CCBE1: variants seen among roughly 807,000 people sequenced by gnomAD.
CCBE1 encodes collagen and calcium binding EGF domains 1.
In CCBE1, 37 loss-of-function variants were observed where a neutral mutation model predicts 50.0. The observed-to-expected ratio is 0.74, with a 90% CI of 0.57 to 0.97. The LOEUF (loss-of-function observed/expected upper bound fraction) is 0.97. CCBE1 is among the 50% of genes least tolerant of loss of function. CCBE1 has a pLI of 0.00. For synonymous variants in CCBE1, 234 were observed against 203.7 expected (o/e 1.15, Z -1.27); for missense variants, 538 against 523.8 (o/e 1.03, Z -0.26).
At chr18:59,464,121 CAG>C (rs201209305) in intron 5 of CCBE1, 3,674 of 152,304 alleles carry the variant, frequency 0.024, 82 homozygotes, top group Non-Finnish European at 0.038. Flanking sequence ...GGACAAAACT[CAG>C]TGATTTTAAT....
At chr18:59,660,520 G>A (rs2054268940) in intron 2 of CCBE1, among the ~76,000 whole-genome samples, 1 of 152,100 alleles carries the variant, frequency 6.6e-6, no homozygotes, top group Non-Finnish European at 1.5e-5. Context: ...TTTGCATAGA[G>A]AGCAAAGCCT....
chr18:59,560,186 T>A (rs997792786), intron 2 of CCBE1, among the ~76,000 whole-genome samples: 1 of 152,184 alleles, frequency 6.6e-6, no homozygotes, highest in Non-Finnish European at 1.5e-5. Context: ...GGGATGCCCA[T>A]TTGAAGTGGA....
rs573720744 is a variant in CCBE1, at chr18:59,696,809, C to T, written c.132-100G>A. 2.2e-5 allele frequency: 28 copies of T among 1,295,352 alleles called. No individual in the cohort carries two copies. The South Asian group carries it at 3.0e-4, about 14-fold the overall frequency. 80.2% of individuals were successfully genotyped at this position (1,295,352 alleles called of 1,614,324 possible). On this transcript the variant is annotated intron_variant, in intron 1 of 10. Transcript: ENST00000439986. Reference sequence around the variant, plus strand: ...CTGGCGCGTGGGGATCGCCAGGCTCCCCGTCCCGGCGCTCTGGGCAGGGGC... The same window carrying T: ...CTGGCGCGTGGGGATCGCCAGGCTCTCCGTCCCGGCGCTCTGGGCAGGGGC...
At chr18:59,667,486 C>T (rs527803584) in intron 2 of CCBE1, among the ~76,000 whole-genome samples, 85 of 152,250 alleles carry the variant, frequency 5.6e-4, no homozygotes, top group Middle Eastern at 6.8e-3. Context: ...AACTGCTACC[C>T]CATCACCTGA....
At chr18:59,531,820 G>A (rs1915063487) in intron 2 of CCBE1, among the ~76,000 whole-genome samples, 1 of 152,130 alleles carries the variant, frequency 6.6e-6, no homozygotes. Flanking sequence ...AGGAATAAGT[G>A]CTTTCTAGAA....
intron 3 of CCBE1, 98 bp downstream of exon 3, chr18:59,480,088 C>T: frequency 1.2e-6 from 1 of 842,802 alleles, no homozygotes; most frequent in South Asian, 1.5e-5. Flanking sequence ...GATAATCAGA[C>T]ACAGATAAGA....
chr18:59,594,333 G>T (rs1407811702), intron 2 of CCBE1, among the ~76,000 whole-genome samples: 4 of 152,182 alleles, frequency 2.6e-5, no homozygotes, highest in African/African-American at 9.7e-5. Context: ...ACACAGCCAG[G>T]GCTAGTGTAG....
At chr18:59,461,724 G>A (rs7241697) in intron 5 of CCBE1, among the ~76,000 whole-genome samples, 23,663 of 132,170 alleles carry the variant, frequency 0.18, 2,579 homozygotes, top group African/African-American at 0.31. Context: ...CCAGCCAGGT[G>A]TAATCTTTTT....
intron 2 of CCBE1, among the ~76,000 whole-genome samples, chr18:59,680,176 G>A (rs2054566608): frequency 6.6e-6 from 1 of 151,740 alleles, no homozygotes; most frequent in Non-Finnish European, 1.5e-5. Flanking sequence ...AGCAGAGACT[G>A]CGCCCCTGCA....
chr18:59,472,740 T>C (rs1912093587), intron 3 of CCBE1, among the ~76,000 whole-genome samples: 1 of 152,240 alleles, frequency 6.6e-6, no homozygotes, highest in Non-Finnish European at 1.5e-5. Context: ...ATCTCTCATG[T>C]ATTAGTCTGT....
intron 2 of CCBE1, among the ~76,000 whole-genome samples, chr18:59,627,057 T>C (rs568580195): frequency 1.3e-5 from 2 of 152,332 alleles, no homozygotes; most frequent in South Asian, 4.1e-4. Context: ...AGTTTCCTTA[T>C]CACTACTCTT....
At chr18:59,644,800 T>G (rs2054033819) in intron 2 of CCBE1, among the ~76,000 whole-genome samples, 1 of 152,166 alleles carries the variant, frequency 6.6e-6, no homozygotes, top group South Asian at 2.1e-4. Flanking sequence ...CCATAAAAAA[T>G]CCTTGCCAAT....
chr18:59,447,013 A>G (rs17065814), intron 7 of CCBE1, among the ~76,000 whole-genome samples: 48,470 of 152,018 alleles, frequency 0.32, 7,874 homozygotes, highest in Admixed American at 0.34. Flanking sequence ...TACCTCCATA[A>G]GTACTAAAAA....
chr18:59,631,933 G>T (rs1226908080), intron 2 of CCBE1, among the ~76,000 whole-genome samples: 1 of 152,162 alleles, frequency 6.6e-6, no homozygotes, highest in Non-Finnish European at 1.5e-5. Context: ...CATTCATTTA[G>T]TATCTACTCT....
At chr18:59,693,397 G>A (rs2054763184) in intron 2 of CCBE1, among the ~76,000 whole-genome samples, 1 of 152,126 alleles carries the variant, frequency 6.6e-6, no homozygotes, top group Non-Finnish European at 1.5e-5. Flanking sequence ...AAGGCTTTTG[G>A]TCTCCCTGAG....
intron 2 of CCBE1, among the ~76,000 whole-genome samples, chr18:59,662,747 G>T (rs2054301633): frequency 2.0e-5 from 3 of 152,196 alleles, no homozygotes; most frequent in Admixed American, 1.3e-4. Flanking sequence ...CAGAATAGAT[G>T]CAAATGCTCT....
intron 2 of CCBE1, among the ~76,000 whole-genome samples, chr18:59,615,480 C>T (rs763703474): frequency 4.7e-5 from 7 of 149,180 alleles, no homozygotes; most frequent in Non-Finnish European, 8.9e-5. Flanking sequence ...CTGGTCAAGC[C>T]TGTCCTGACC....
chr18:59,607,533 A>AT (rs1332351691), intron 2 of CCBE1, among the ~76,000 whole-genome samples: 1 of 152,254 alleles, frequency 6.6e-6, no homozygotes, highest in African/African-American at 2.4e-5. Flanking sequence ...ACATAGTCCC[A>AT]TAAATCACAC....
chr18:59,655,085 CAAA>C (rs10646215), intron 2 of CCBE1, among the ~76,000 whole-genome samples: 3 of 122,720 alleles, frequency 2.4e-5, no homozygotes, highest in Non-Finnish European at 1.7e-5. Context: ...GAGACTATGT[CAAA>C]AAAAAAAAAA....
Sources: gnomAD v4.1 joint callset for allele counts (sites outside exome capture counted in the v4.1 genomes callset) on GRCh38, gnomAD v4.1.1 for gene constraint, MANE v1.5 for transcripts, NCBI Gene and HGNC (gene_info 2026-07-23, HGNC 2026-07-21) for gene names.